VPS13D: variants seen among roughly 807,000 people sequenced by gnomAD.
The protein encoded by VPS13D is intermembrane lipid transfer protein VPS13D.
A neutral mutation model predicts 461.9 loss-of-function variants in VPS13D; 187 were observed. That is an observed-to-expected ratio of 0.40 (90% CI 0.36 to 0.46). The LOEUF (loss-of-function observed/expected upper bound fraction) is 0.46, where lower values mean the gene tolerates loss of function less well. VPS13D is among the 20% of genes least tolerant of loss of function. The pLI is 0.60. For missense variants in VPS13D, 4,711 were observed against 5,364.9 expected, an observed-to-expected ratio of 0.88 and a Z score of 3.81; for synonymous variants, 1,951 against 1,986.3, an observed-to-expected ratio of 0.98 and a Z score of 0.47.
At chr1:12,421,752 A>C (rs923952694) in intron 65 of VPS13D, among the ~76,000 whole-genome samples, 1 of 152,194 alleles carries the variant, frequency 6.6e-6, no homozygotes, top group African/African-American at 2.4e-5. Flanking sequence ...CAGCATACTT[A>C]ATTTCTTCCA....
chr1:12,473,248 A>G lies in VPS13D; in HGVS notation c.12662+12852A>G, dbSNP rs1468252273. On this transcript the variant is annotated intron_variant, in intron 67 of 69. Coordinates refer to ENST00000620676, the MANE Select transcript of VPS13D (RefSeq NM_015378.4). The surrounding 1 kb of genome is among the most constrained non-coding windows in gnomAD (Gnocchi z 4.2). ...AAGGGCAAGAGGTCTTTCTTCAAAGAGAAGCGCTTGTTTCAGAAAAAGATG... is the reference window on the plus strand; with the variant it reads ...AAGGGCAAGAGGTCTTTCTTCAAAGGGAAGCGCTTGTTTCAGAAAAAGATG... Among the ~76,000 whole-genome samples the G allele has an allele frequency of 6.6e-6, 1 of 152,244 alleles. No individual in the cohort carries two copies. The highest frequency in any genetic ancestry group is 1.5e-5 in the Non-Finnish European group (1 of 68,038).
chr1:12,346,729 T>C, intron 44 of VPS13D, 77 bp downstream of exon 44: 1 of 1,355,124 alleles, frequency 7.4e-7, no homozygotes, highest in Non-Finnish European at 1.0e-6. Context: ...TATACATTTC[T>C]TAATGATCAG....
chr1:12,349,140 T>C lies in VPS13D; in HGVS notation c.9221-24T>C, dbSNP rs375963578. ...GGGGTGGAGGACCATTGCCTGAAAGTGTTAACCCTTATTTCTGTGGCAGAG... is the reference window on the plus strand; with the variant it reads ...GGGGTGGAGGACCATTGCCTGAAAGCGTTAACCCTTATTTCTGTGGCAGAG... On this transcript the variant is annotated intron_variant, in intron 45 of 69. Coordinates refer to ENST00000620676, the MANE Select transcript of VPS13D (RefSeq NM_015378.4). 12 of 1,612,782 alleles carry C rather than the reference T, an allele frequency of 7.4e-6. No individual in the cohort carries two copies. The African/African-American group carries it at 9.3e-5, about 13-fold the overall frequency.
At chr1:12,325,272 T>C (rs540136829) in intron 35 of VPS13D, among the ~76,000 whole-genome samples, 2 of 152,184 alleles carry the variant, frequency 1.3e-5, no homozygotes, top group East Asian at 3.9e-4. Context: ...CTTTTTTTTT[T>C]TCTTTGAGAC....
In VPS13D at chr1:12,356,522, C is replaced by G; in HGVS notation, c.9996C>G (p.Asn3332Lys). 6.2e-7 allele frequency: 1 copy of G among 1,612,652 alleles called. No homozygotes were observed. The highest frequency in any genetic ancestry group is 8.5e-7 in the Non-Finnish European group (1 of 1,179,534). Reference sequence around the variant, plus strand: ...GCTATGCTGACAAAGAGCAGCCAAACCTGTGAGTACAGTTATTTATGGGAA... The same window carrying G: ...GCTATGCTGACAAAGAGCAGCCAAAGCTGTGAGTACAGTTATTTATGGGAA... ...LFCYADKEQP[N>K]LCTMRIGRGI... The change falls in exon 49 of 70, where the codon AAC becomes AAG. Residue 3332 changes from asparagine (N) to lysine (K), a missense_variant and splice_region_variant. This residue lies in a region of VPS13D where 4,411 missense variants were observed against 4,937.8 expected (regional missense o/e 0.89). Coordinates refer to ENST00000620676, the MANE Select transcript of VPS13D (RefSeq NM_015378.4).
Position 12,256,321 on chromosome 1 carries a change from T to G in VPS13D, c.670-12T>G. 3 of 1,612,444 alleles carry G rather than the reference T, an allele frequency of 1.9e-6. No homozygotes were observed. The highest frequency in any genetic ancestry group is 2.5e-6 in the Non-Finnish European group (3 of 1,179,580). ...CCATTCGGAGCAGAGCAGGTGTTCT[T>G]GTGACACACAGGAGGCCATGGCCAG... On this transcript the variant is annotated splice_polypyrimidine_tract_variant and intron_variant, in intron 7 of 69. Coordinates refer to ENST00000620676, the MANE Select transcript of VPS13D (RefSeq NM_015378.4).
At chr1:12,498,244 G>T (rs1195531753) in intron 68 of VPS13D, among the ~76,000 whole-genome samples, 1 of 152,154 alleles carries the variant, frequency 6.6e-6, no homozygotes, top group African/African-American at 2.4e-5. Context: ...AGAACCACCA[G>T]CCCACAGAAA....
At chr1:12,506,369 G>T (rs1044467397) in intron 68 of VPS13D, among the ~76,000 whole-genome samples, 5 of 152,176 alleles carry the variant, frequency 3.3e-5, no homozygotes, top group South Asian at 2.1e-4. Flanking sequence ...TGGATGGGGG[G>T]GTGCCCTGTC....
In VPS13D at chr1:12,483,738, G is replaced by A. The variant is rs59525338; in HGVS notation, c.12663-13762G>A. ...GCTTCAGCCAGGCACGGTGGCTCACGCCTGTAATCCCAGCACTTTGGGAGG... is the reference window on the plus strand; with the variant it reads ...GCTTCAGCCAGGCACGGTGGCTCACACCTGTAATCCCAGCACTTTGGGAGG... On this transcript the variant is annotated intron_variant, in intron 67 of 69. Transcript: ENST00000620676. Among the ~76,000 whole-genome samples the A allele has an allele frequency of 4.4e-3, 668 of 150,940 alleles. 5 individuals carry two copies. The highest frequency in any genetic ancestry group is 0.015 in the African/African-American group (627 of 41,092).
At position 12,404,091 on chromosome 1, in the gene VPS13D, A is replaced by G. The variant is rs1570104937; in HGVS notation, c.12030+118A>G. On this transcript the variant is annotated intron_variant, in intron 63 of 69. Transcript: ENST00000620676. ...TGTGCTTTTTTTTTTGTCCCTCATC[A>G]TCATTCATAGCAGACATTTTATTTT... is the stretch of plus-strand genomic sequence containing the variant. 4 of 796,936 alleles carry G rather than the reference A, an allele frequency of 5.0e-6. No homozygotes were observed. In the East Asian group the frequency reaches 1.2e-4, roughly 25 times the overall value. The allele number at this position is 796,936 out of a possible 1,614,324, so 49.4% of individuals were successfully genotyped here. A position where few individuals can be genotyped will look rare whatever the true frequency, so the allele number is the denominator to read the frequency against.
At chr1:12,413,165 G>GTT (rs199924507) in intron 63 of VPS13D, among the ~76,000 whole-genome samples, 3 of 151,774 alleles carry the variant, frequency 2.0e-5, no homozygotes, top group Admixed American at 6.6e-5. Context: ...TTTTCTGGGT[G>GTT]TTTTTTTGTT....
chr1:12,304,382 T>C (rs1434224735), intron 25 of VPS13D, 124 bp from the exon 26 acceptor site: 7 of 814,862 alleles, frequency 8.6e-6, no homozygotes, highest in Non-Finnish European at 1.3e-5. Flanking sequence ...GTATAAGTAT[T>C]ATAGAGTCTT....
At position 12,495,438 on chromosome 1, in the gene VPS13D, G is replaced by A. The variant is rs527304306; in HGVS notation, c.12663-2062G>A. Among the ~76,000 whole-genome samples, 1 of 152,292 alleles carries A rather than the reference G, an allele frequency of 6.6e-6. No homozygotes were observed. Among genetic ancestry groups the A allele is most frequent in the East Asian group, 1.9e-4 (1 of 5,180 alleles). On this transcript the variant is annotated intron_variant, in intron 67 of 69. Coordinates refer to ENST00000620676, the MANE Select transcript of VPS13D (RefSeq NM_015378.4). The surrounding 1 kb of genome is among the most constrained non-coding windows in gnomAD (Gnocchi z 4.0). ...CTCCCAAAGTGCTGGGATTACAGGC[G>A]TGAGCCACTGCGCCCGGCCGATGTA... is the stretch of plus-strand genomic sequence containing the variant.
chr1:12,320,690 A>G (rs1464539745), intron 32 of VPS13D, among the ~76,000 whole-genome samples: 1 of 152,212 alleles, frequency 6.6e-6, no homozygotes. Context: ...CTAGCTTTGA[A>G]TGGAGAATCT....
chr1:12,324,218 G>A (rs1179842361), intron 35 of VPS13D, among the ~76,000 whole-genome samples: 2 of 152,086 alleles, frequency 1.3e-5, no homozygotes, highest in Admixed American at 6.6e-5. Flanking sequence ...TAAGAATTTG[G>A]GTTCTGAGGC....
rs1643974377 is a variant in VPS13D at position 12,363,053 on chromosome 1, GTGATCCTA to G, written c.10273-16_10273-9del. The G allele has an allele frequency of 1.2e-6, 2 of 1,613,030 alleles. No homozygotes were observed. The highest frequency in any genetic ancestry group is 1.3e-5 in the African/African-American group (1 of 74,914). Reference sequence around the variant, plus strand: ...TGAATCGACTTGTTGACTAAAGCCTGTGATCCTATGTGTTTTAGGGAACAGCCAATCCC... The same window carrying G: ...TGAATCGACTTGTTGACTAAAGCCTGTGTGTTTTAGGGAACAGCCAATCCC... On this transcript the variant is annotated splice_polypyrimidine_tract_variant and intron_variant, in intron 51 of 69. Coordinates refer to ENST00000620676, the MANE Select transcript of VPS13D (RefSeq NM_015378.4).
chr1:12,261,961 G>A lies in VPS13D; in HGVS notation c.1475G>A (p.Arg492Gln), dbSNP rs764217378. 21 of 1,614,030 alleles carry A rather than the reference G, an allele frequency of 1.3e-5. No individual in the cohort carries two copies. Among genetic ancestry groups the A allele is most frequent in the South Asian group, 1.1e-4 (10 of 91,082 alleles). The change falls in exon 13 of 70, where the codon CGA becomes CAA. Residue 492 changes from arginine (R) to glutamine (Q), a missense_variant. Transcript: ENST00000620676. ...TCGTGTATGAACACGTATACAAAGC[G>A]AGATCATGTCTTTGCCAAACTGAAT... ...DASCMNTYTK[R>Q]DHVFAKLNLQ...
chr1:12,410,107 A>C (rs1408159996), intron 63 of VPS13D, among the ~76,000 whole-genome samples: 1 of 152,204 alleles, frequency 6.6e-6, no homozygotes, highest in African/African-American at 2.4e-5. Flanking sequence ...TATCTTACAG[A>C]GAAGGGACAG....
At chr1:12,377,069 T>C (rs191220181) in intron 55 of VPS13D, among the ~76,000 whole-genome samples, 67 of 152,080 alleles carry the variant, frequency 4.4e-4, no homozygotes, top group African/African-American at 1.5e-3. Flanking sequence ...CTTTCTTTTT[T>C]TTTTTTTGAG....
Sources: allele counts gnomAD v4.1 joint callset (sites outside exome capture counted in the v4.1 genomes callset), GRCh38; gene constraint gnomAD v4.1.1; regional missense constraint gnomAD v4.1.1; non-coding constraint Gnocchi (gnomAD v3.1); transcripts MANE v1.5; gene names NCBI Gene and HGNC (gene_info 2026-07-23, HGNC 2026-07-21).